NKIRAS1: variants seen among roughly 807,000 people sequenced by gnomAD.
The protein encoded by NKIRAS1 is NF-kappa-B inhibitor-interacting Ras-like protein 1.
NKIRAS1 carries 16 observed loss-of-function variants against 19.8 expected under a neutral mutation model. That is an observed-to-expected ratio of 0.81 (90% confidence interval 0.55 to 1.23). NKIRAS1 has a LOEUF of 1.23. Among genes scored for constraint, NKIRAS1 ranks in the 50% most tolerant of loss-of-function variants. NKIRAS1 has a pLI of 0.00. For missense variants in NKIRAS1, 184 were observed against 220.0 expected (o/e 0.84, Z 1.04); for synonymous variants, 88 against 79.0 (o/e 1.11, Z -0.61).
chr3:23,901,712 A>C (rs543630566), intron 3 of NKIRAS1, among the ~76,000 whole-genome samples: 20 of 152,210 alleles, frequency 1.3e-4, no homozygotes, highest in Non-Finnish European at 2.2e-4. Context: ...AACATTCTTA[A>C]TTTTAATAAG....
upstream of NKIRAS1, chr3:23,921,719 C>T (rs961205352): frequency 5.9e-5 from 38 of 644,680 alleles, no homozygotes; most frequent in African/African-American, 1.7e-4. Context: ...GGACTACAGG[C>T]GCACACTGCC....
At chr3:23,909,249 C>T (rs1255069910) in intron 3 of NKIRAS1, among the ~76,000 whole-genome samples, 1 of 152,156 alleles carries the variant, frequency 6.6e-6, no homozygotes, top group Non-Finnish European at 1.5e-5. Flanking sequence ...GGGCCAGGCG[C>T]AGTGGCTCAC....
chr3:23,924,289 C>T (rs1705170988), intron 1 of NKIRAS1: 1 of 152,192 alleles, frequency 6.6e-6, no homozygotes. Flanking sequence ...TTTATGTTTG[C>T]TTTACAGTGG....
chr3:23,914,531 C>A (rs1328678312), intron 1 of NKIRAS1, among the ~76,000 whole-genome samples: 2 of 152,156 alleles, frequency 1.3e-5, no homozygotes, highest in Non-Finnish European at 2.9e-5. Flanking sequence ...ATATATTCAA[C>A]AGGTTTTGCA....
chr3:23,944,420 G>A (rs1705572690), intron 1 of NKIRAS1, among the ~76,000 whole-genome samples: 2 of 152,046 alleles, frequency 1.3e-5, no homozygotes, highest in South Asian at 4.1e-4. Flanking sequence ...ATCTATTCAT[G>A]CCTCTATCAG....
intron 3 of NKIRAS1, among the ~76,000 whole-genome samples, chr3:23,901,838 C>T (rs2125382451): frequency 6.6e-6 from 1 of 152,318 alleles, no homozygotes; most frequent in South Asian, 2.1e-4. Flanking sequence ...TTTGGGAGGC[C>T]TAGGTGGGCA....
chr3:23,934,594 C>T (rs1255636267), intron 1 of NKIRAS1, among the ~76,000 whole-genome samples: 3 of 152,114 alleles, frequency 2.0e-5, no homozygotes, highest in African/African-American at 7.2e-5. Flanking sequence ...TTATACAGTG[C>T]CTTCAGGGGT....
chr3:23,930,373 G>A (rs1306966449), intron 1 of NKIRAS1, among the ~76,000 whole-genome samples: 8 of 152,110 alleles, frequency 5.3e-5, no homozygotes, highest in Admixed American at 5.2e-4. Context: ...ATGCAGCAAG[G>A]ATGATGTGTC....
chr3:23,901,128 G>A (rs547464096), intron 3 of NKIRAS1, 79 bp from the exon 4 acceptor site: 3 of 1,476,032 alleles, frequency 2.0e-6, no homozygotes, highest in African/African-American at 2.8e-5. Flanking sequence ...TTTAGAAATT[G>A]GCTTTCTAGG....
chr3:23,917,665 A>C, upstream of NKIRAS1: 1 of 587,136 alleles, frequency 1.7e-6, no homozygotes, highest in South Asian at 2.1e-5. Context: ...GGGTTGCGGA[A>C]GTGACTGAAC....
intron 3 of NKIRAS1, among the ~76,000 whole-genome samples, chr3:23,907,940 T>C (rs1469110893): frequency 6.6e-6 from 1 of 152,194 alleles, no homozygotes; most frequent in Non-Finnish European, 1.5e-5. Context: ...AGAAAAACTA[T>C]GTATTTACAA....
chr3:23,901,701 T>A (rs2125381923), intron 3 of NKIRAS1, among the ~76,000 whole-genome samples: 1 of 152,272 alleles, frequency 6.6e-6, no homozygotes, highest in African/African-American at 2.4e-5. Context: ...GGGAGAAGAT[T>A]AACATTCTTA....
chr3:23,945,718 G>T (rs1705651426), intron 1 of NKIRAS1: 1 of 630,064 alleles, frequency 1.6e-6, no homozygotes, highest in Admixed American at 5.2e-5. Flanking sequence ...GCTGCTGCGC[G>T]CCGCGTGTCC....
At chr3:23,929,593 AT>A (rs770421154) in intron 1 of NKIRAS1, among the ~76,000 whole-genome samples, 37 of 148,362 alleles carry the variant, frequency 2.5e-4, no homozygotes, top group East Asian at 1.3e-3. Context: ...GACCAGGCTA[AT>A]TTTTTTTGTT....
chr3:23,920,628 A>C, upstream of NKIRAS1: 1 of 984,846 alleles, frequency 1.0e-6, no homozygotes, highest in Non-Finnish European at 1.2e-6. Context: ...GACTTTGCTG[A>C]CTTAATTTAA....
At chr3:23,894,420 A>G (rs1253005310) in intron 4 of NKIRAS1, among the ~76,000 whole-genome samples, 2 of 152,202 alleles carry the variant, frequency 1.3e-5, no homozygotes, top group Non-Finnish European at 2.9e-5. Context: ...TGCTGGCAGG[A>G]TGAAAGTGGG....
intron 1 of NKIRAS1, among the ~76,000 whole-genome samples, chr3:23,943,520 C>T (rs916355217): frequency 6.6e-6 from 1 of 152,182 alleles, no homozygotes; most frequent in African/African-American, 2.4e-5. Context: ...CGTCAGCCCC[C>T]GCGCCCAGCC....
intron 1 of NKIRAS1, among the ~76,000 whole-genome samples, chr3:23,913,040 CAAAAA>C (rs1169515621): frequency 1.7e-4 from 8 of 47,698 alleles, no homozygotes; most frequent in African/African-American, 4.6e-4. Context: ...GACTCCGTCT[CAAAAA>C]AAAAAAAAAA....
At chr3:23,894,428 G>C (rs371054250) in intron 4 of NKIRAS1, among the ~76,000 whole-genome samples, 1 of 152,124 alleles carries the variant, frequency 6.6e-6, no homozygotes, top group East Asian at 1.9e-4. Context: ...GGATGAAAGT[G>C]GGCCAGAGCT....
Sources: allele counts gnomAD v4.1 joint callset (sites outside exome capture counted in the v4.1 genomes callset), GRCh38; gene constraint gnomAD v4.1.1; transcripts MANE v1.5; gene names NCBI Gene and HGNC (gene_info 2026-07-23, HGNC 2026-07-21).